COMT: variants seen among roughly 807,000 people sequenced by gnomAD.
COMT encodes the protein catechol O-methyltransferase.
Under a neutral mutation model 18.9 loss-of-function variants are expected in COMT, and 13 were observed. That is an observed-to-expected ratio of 0.69 (90% CI 0.45 to 1.09). COMT has a LOEUF of 1.09. Ranked by LOEUF, COMT falls within the 50% of genes least tolerant of loss-of-function variation. The pLI, the probability that COMT is intolerant of heterozygous loss-of-function variation, is 0.00. For synonymous variants in COMT, 150 were observed against 160.9 expected, an observed-to-expected ratio of 0.93 and a Z score of 0.51; for missense variants, 329 against 361.8, an observed-to-expected ratio of 0.91 and a Z score of 0.73.
At chr22:19,962,502 G>A in intron 2 of COMT, 25 bp from the exon 3 acceptor site, 1 of 1,544,364 alleles carries the variant, frequency 6.5e-7, no homozygotes. Flanking sequence ...CAGAGCACTG[G>A]CGCCCCTCCC....
At chr22:19,947,208 G>A (rs956999806) in intron 1 of COMT, among the ~76,000 whole-genome samples, 1 of 151,642 alleles carries the variant, frequency 6.6e-6, no homozygotes, top group Non-Finnish European at 1.5e-5. Context: ...GAGTCACCGC[G>A]TCCGGCCCTA....
intron 5 of COMT, among the ~76,000 whole-genome samples, chr22:19,966,263 G>A (rs1018975772): frequency 2.6e-5 from 4 of 152,072 alleles, no homozygotes; most frequent in Non-Finnish European, 5.9e-5. Context: ...GCTCTTGTGA[G>A]GGTCTAGCCA....
intron 1 of COMT, among the ~76,000 whole-genome samples, chr22:19,950,255 T>C (rs1179778558): frequency 2.2e-5 from 3 of 139,410 alleles, no homozygotes; most frequent in African/African-American, 7.6e-5. Context: ...TTTTTTTTTT[T>C]TTTTTTTTCT....
chr22:19,941,828 A>G lies in COMT; in HGVS notation c.-161A>G. The G allele has an allele frequency of 6.8e-7, 1 of 1,472,672 alleles. No homozygotes were observed. The highest frequency in any genetic ancestry group is 9.0e-7 in the Non-Finnish European group (1 of 1,115,844). The allele number at this position is 1,472,672 out of a possible 1,614,324, so 91.2% of individuals were successfully genotyped here. A position where few individuals can be genotyped will look rare whatever the true frequency, so the allele number is the denominator to read the frequency against. On this transcript the variant is annotated 5_prime_UTR_variant, in exon 1 of 6. Coordinates refer to ENST00000361682, the MANE Select transcript of COMT (RefSeq NM_000754.4). ...TCGTCGTGGGGCTTCTGGGGCAGCT[A>G]GGGCTGCCCGCCGCGCTGCCTGCGC...
At chr22:19,964,422 G>C in intron 5 of COMT, 123 bp downstream of exon 5, 4 of 1,385,466 alleles carry the variant, frequency 2.9e-6, no homozygotes, top group Non-Finnish European at 4.0e-6. Flanking sequence ...TCGCTCTGGA[G>C]GCACCACCTG....
chr22:19,958,264 A>C (rs1316150874), intron 1 of COMT, among the ~76,000 whole-genome samples: 1 of 150,970 alleles, frequency 6.6e-6, no homozygotes, highest in Non-Finnish European at 1.5e-5. Flanking sequence ...TCCTGGGCTC[A>C]GGTGATCCTC....
rs1413749334 is a variant in COMT, at chr22:19,969,423, G to A, written c.*687G>A. ...CCACTGGGCCTTGCTTACAGAAGAG[G>A]CAATGGCTCAGACCAGCTCCCGCAT... On this transcript the variant is annotated 3_prime_UTR_variant, in exon 6 of 6. Coordinates refer to ENST00000361682, the MANE Select transcript of COMT (RefSeq NM_000754.4). The A allele has an allele frequency of 6.6e-6, 1 of 152,560 alleles. No individual in the cohort carries two copies. Among genetic ancestry groups the A allele is most frequent in the African/African-American group, 2.4e-5 (1 of 41,438 alleles). 9.5% of individuals were successfully genotyped at this position (152,560 alleles called of 1,614,324 possible). A position where few individuals can be genotyped will look rare whatever the true frequency, so the allele number is the denominator to read the frequency against.
Position 19,964,288 on chromosome 22 carries a change from C to A in COMT, c.604C>A (p.Leu202Ile), listed in dbSNP as rs754869536. 1 of 1,614,024 alleles carries A rather than the reference C, an allele frequency of 6.2e-7. No individual in the cohort carries two copies. Among genetic ancestry groups the A allele is most frequent in the African/African-American group, 1.3e-5 (1 of 75,066 alleles). Residue 202 changes from leucine (L) to isoleucine (I), a missense_variant, in exon 5 of 6, where the codon CTT (leucine) becomes ATT (isoleucine). Physicochemically the swap from Leu to Ile is conservative, Grantham distance 5. Transcript: ENST00000361682. ...HWKDRYLPDT[L>I]LLEECGLLRK... ...GAAGGACCGGTACCTGCCGGACACG[C>A]TTCTCTTGGAGGTGAGCCCCAACCA... is the stretch of plus-strand genomic sequence containing the variant.
intron 1 of COMT, among the ~76,000 whole-genome samples, chr22:19,946,431 T>C (rs1441861552): frequency 2.0e-5 from 3 of 152,038 alleles, no homozygotes; most frequent in Non-Finnish European, 2.9e-5. Flanking sequence ...GAGGTTGCAG[T>C]GAGCCAAGAT....
chr22:19,955,719 C>T (rs955732889), intron 1 of COMT, among the ~76,000 whole-genome samples: 2 of 152,236 alleles, frequency 1.3e-5, no homozygotes, highest in Non-Finnish European at 2.9e-5. Flanking sequence ...GGATGAGGCA[C>T]GTCCAAGCCA....
Position 19,965,963 on chromosome 22 carries a change from G to A in COMT, c.615+1664G>A, listed in dbSNP as rs1271766864. Among the ~76,000 whole-genome samples the A allele has an allele frequency of 2.0e-5, 3 of 152,374 alleles. No individual in the cohort carries two copies. In the East Asian group the frequency reaches 5.8e-4, roughly 29 times the overall value. Reference sequence around the variant, plus strand: ...AGATGGGCTTCACTTGGGCAGGAAAGACACCCACAGCTGGGCCTGCGTTAC... The same window carrying A: ...AGATGGGCTTCACTTGGGCAGGAAAAACACCCACAGCTGGGCCTGCGTTAC... On this transcript the variant is annotated intron_variant, in intron 5 of 5. Coordinates refer to ENST00000361682, the MANE Select transcript of COMT (RefSeq NM_000754.4).
chr22:19,964,145 G>A (rs759939161), intron 4 of COMT, 23 bp from the exon 5 acceptor site: 1 of 1,613,836 alleles, frequency 6.2e-7, no homozygotes, highest in African/African-American at 1.3e-5. Flanking sequence ...TGAGGACGTG[G>A]GCACTGACAG....
chr22:19,959,971 A>G (rs1234824052), intron 1 of COMT, among the ~76,000 whole-genome samples: 2 of 152,254 alleles, frequency 1.3e-5, no homozygotes, highest in Non-Finnish European at 2.9e-5. Context: ...CCCAGCCTGC[A>G]GAGTGGAGTG....
chr22:19,956,066 T>A (rs916331106), intron 1 of COMT, among the ~76,000 whole-genome samples: 2 of 151,882 alleles, frequency 1.3e-5, no homozygotes, highest in Non-Finnish European at 2.9e-5. Context: ...GAAAAACTGA[T>A]GGACCCCAGA....
Position 19,968,276 on chromosome 22 carries a change from A to G in COMT, c.616-260A>G, listed in dbSNP as rs1427879849. On this transcript the variant is annotated intron_variant, in intron 5 of 5. Coordinates refer to ENST00000361682, the MANE Select transcript of COMT (RefSeq NM_000754.4). Reference sequence around the variant, plus strand: ...TGTGTGCCACATGCTGTTCTAAGGGATGGATACTCCTGAGATGGATACAGG... The same window carrying G: ...TGTGTGCCACATGCTGTTCTAAGGGGTGGATACTCCTGAGATGGATACAGG... 2.0e-5 allele frequency among the ~76,000 whole-genome samples: 3 copies of G among 152,114 alleles called. No homozygotes were observed. In the East Asian group the frequency reaches 5.8e-4, roughly 29 times the overall value.
At position 19,964,163 on chromosome 22, in the gene COMT, T is replaced by A. The variant is rs1199776251; in HGVS notation, c.484-5T>A. The A allele has an allele frequency of 6.2e-7, 1 of 1,613,888 alleles. No individual in the cohort carries two copies. ...GGACGTGGGCACTGACAGGCGCTGTTCCAGGTCACCCTTGTGGTTGGAGCG... is the reference window on the plus strand; with the variant it reads ...GGACGTGGGCACTGACAGGCGCTGTACCAGGTCACCCTTGTGGTTGGAGCG... On this transcript the variant is annotated splice_region_variant and splice_polypyrimidine_tract_variant and intron_variant, in intron 4 of 5. Coordinates refer to ENST00000361682, the MANE Select transcript of COMT (RefSeq NM_000754.4).
intron 1 of COMT, among the ~76,000 whole-genome samples, chr22:19,956,152 T>C: frequency 7.7e-6 from 1 of 129,338 alleles, no homozygotes; most frequent in Non-Finnish European, 1.7e-5. Flanking sequence ...TTTTTTTTTT[T>C]TTTTTTTTTT....
Position 19,969,797 on chromosome 22 carries a change from G to A in COMT, c.*1061G>A, listed in dbSNP as rs1601553046. On this transcript the variant is annotated 3_prime_UTR_variant, in exon 6 of 6. Transcript: ENST00000361682. ...CAGGACACAGCAGATGGGCACCTGG[G>A]ACCACCTCCACCCAGGGCCCTGCCC... is the stretch of plus-strand genomic sequence containing the variant. The A allele has an allele frequency of 1.0e-6, 1 of 976,720 alleles. No individual in the cohort carries two copies. Among genetic ancestry groups the A allele is most frequent in the African/African-American group, 1.7e-5 (1 of 57,178 alleles). 60.5% of individuals were successfully genotyped at this position (976,720 alleles called of 1,614,324 possible). A position where few individuals can be genotyped will look rare whatever the true frequency, so the allele number is the denominator to read the frequency against.
intron 1 of COMT, among the ~76,000 whole-genome samples, chr22:19,952,555 C>T (rs958022631): frequency 6.6e-6 from 1 of 151,638 alleles, no homozygotes. Flanking sequence ...AGGAGAATGC[C>T]ATGAACCCGG....
Sources: allele counts gnomAD v4.1 joint callset (sites outside exome capture counted in the v4.1 genomes callset), GRCh38; gene constraint gnomAD v4.1.1; transcripts MANE v1.5; gene names NCBI Gene and HGNC (gene_info 2026-07-23, HGNC 2026-07-21).